The following NRG1 variants were observed in gnomAD, a reference collection of about 807,000 sequenced individuals.
The protein encoded by NRG1 is pro-neuregulin-1, membrane-bound isoform.
In NRG1, 18 loss-of-function variants were observed where a neutral mutation model predicts 63.8. The observed-to-expected ratio is 0.28, with a 90% CI of 0.19 to 0.42. NRG1 has a LOEUF of 0.42. Ranked by LOEUF, NRG1 falls within the 10% of genes least tolerant of loss-of-function variation. The probability of loss-of-function intolerance (pLI) is 1.00; values close to 1 mark genes in which losing one functional copy is unlikely to be tolerated. For missense variants in NRG1, 762 were observed against 814.7 expected (o/e 0.94, Z 0.79); for synonymous variants, 302 against 301.3 (o/e 1.00, Z -0.02).
chr8:31,878,819 C>T (rs1208431355), intron 1 of NRG1, among the ~76,000 whole-genome samples: 3 of 152,166 alleles, frequency 2.0e-5, no homozygotes, highest in Non-Finnish European at 4.4e-5. Context: ...CACCGTGCAG[C>T]TCTCTTCAGT....
intron 1 of NRG1, among the ~76,000 whole-genome samples, chr8:32,143,028 C>T (rs886490971): frequency 2.0e-5 from 3 of 152,286 alleles, no homozygotes; most frequent in Non-Finnish European, 4.4e-5. Flanking sequence ...ATTAAAGCCT[C>T]CAGACGGAGG....
chr8:32,684,943 A>G (rs1241685728), intron 5 of NRG1, among the ~76,000 whole-genome samples: 1 of 152,140 alleles, frequency 6.6e-6, no homozygotes, highest in Non-Finnish European at 1.5e-5. Context: ...TTTGAGTTTG[A>G]GATAATTTTA....
chr8:31,856,902 G>A (rs34810464), intron 1 of NRG1, among the ~76,000 whole-genome samples: 97,106 of 151,950 alleles, frequency 0.64, 31,567 homozygotes, highest in East Asian at 0.92. Context: ...CCTGCTGGGG[G>A]ATGCCTCCCA....
intron 1 of NRG1, among the ~76,000 whole-genome samples, chr8:32,301,414 T>A (rs1855551666): frequency 6.6e-6 from 1 of 152,194 alleles, no homozygotes; most frequent in African/African-American, 2.4e-5. Context: ...ACAAATGAAG[T>A]CATCCAGTTG....
chr8:31,795,508 T>C (rs1455334271), intron 1 of NRG1, among the ~76,000 whole-genome samples: 1 of 152,196 alleles, frequency 6.6e-6, no homozygotes, highest in Admixed American at 6.5e-5. Context: ...GGTACTGAAC[T>C]GCTTCTCCCT....
At chr8:32,743,510 T>C (rs1215712684) in intron 7 of NRG1, among the ~76,000 whole-genome samples, 1 of 148,650 alleles carries the variant, frequency 6.7e-6, no homozygotes, top group Non-Finnish European at 1.5e-5. Flanking sequence ...AGGATAAATA[T>C]GTGTTTGTAT....
At chr8:31,753,800 C>T (rs1047925194) in intron 1 of NRG1, among the ~76,000 whole-genome samples, 6 of 152,012 alleles carry the variant, frequency 3.9e-5, no homozygotes, top group African/African-American at 1.4e-4. Context: ...TAGATTATTG[C>T]AGCAATATCA....
At chr8:31,890,214 C>T (rs948604996) in intron 1 of NRG1, among the ~76,000 whole-genome samples, 2 of 152,212 alleles carry the variant, frequency 1.3e-5, no homozygotes, top group East Asian at 1.9e-4. Flanking sequence ...TAGCTAAGAA[C>T]CATTATCCTA....
At chr8:32,285,975 C>A (rs966720938) in intron 1 of NRG1, among the ~76,000 whole-genome samples, 14 of 152,176 alleles carry the variant, frequency 9.2e-5, no homozygotes, top group African/African-American at 3.1e-4. Context: ...TAGCTATAAG[C>A]ACTCTCATAA....
intron 1 of NRG1, among the ~76,000 whole-genome samples, chr8:32,409,952 G>A (rs1275056140): frequency 6.6e-6 from 1 of 152,022 alleles, no homozygotes; most frequent in African/African-American, 2.4e-5. Flanking sequence ...CAGGCAGGGT[G>A]TACCATCGTT....
intron 1 of NRG1, among the ~76,000 whole-genome samples, chr8:32,362,877 T>C (rs914922812): frequency 6.6e-6 from 1 of 152,124 alleles, no homozygotes; most frequent in Non-Finnish European, 1.5e-5. Context: ...CAGATACTCA[T>C]GAGAACATTG....
At chr8:32,713,461 T>C (rs1364849937) in intron 5 of NRG1, among the ~76,000 whole-genome samples, 1 of 152,068 alleles carries the variant, frequency 6.6e-6, no homozygotes, top group Non-Finnish European at 1.5e-5. Flanking sequence ...ACCTTCCTAA[T>C]TGAGTTGAAC....
At chr8:32,421,618 T>C (rs1341150803) in intron 1 of NRG1, among the ~76,000 whole-genome samples, 1 of 152,232 alleles carries the variant, frequency 6.6e-6, no homozygotes, top group Non-Finnish European at 1.5e-5. Context: ...AGCCAAGTTA[T>C]TGATTCCTCT....
chr8:32,343,268 T>C (rs1321226169), intron 1 of NRG1, among the ~76,000 whole-genome samples: 1 of 152,212 alleles, frequency 6.6e-6, no homozygotes, highest in Non-Finnish European at 1.5e-5. Context: ...TGATTTTACA[T>C]GTCCCATCCA....
At chr8:31,837,964 A>G (rs1825839644) in intron 1 of NRG1, among the ~76,000 whole-genome samples, 1 of 152,048 alleles carries the variant, frequency 6.6e-6, no homozygotes, top group Non-Finnish European at 1.5e-5. Flanking sequence ...TCTCTTCTAT[A>G]TACTGATTTC....
intron 3 of NRG1, among the ~76,000 whole-genome samples, chr8:32,612,334 T>C (rs1278244220): frequency 6.6e-6 from 1 of 152,076 alleles, no homozygotes; most frequent in Non-Finnish European, 1.5e-5. Context: ...TGCTGAGTGG[T>C]TTTAATTAAA....
rs371014343 is a variant in NRG1 at position 31,680,590 on chromosome 8, A to G, written c.37+41159A>G. Among the ~76,000 whole-genome samples the G allele has an allele frequency of 7.8e-3, 1,166 of 149,476 alleles. 25 individuals are homozygous for G. The South Asian group carries it at 0.094, about 12-fold the overall frequency. On this transcript the variant is annotated intron_variant, in intron 1 of 10. Transcript: ENST00000519301. ...AGTCTTTGCTATTGTGAATAGTGCCACAACAAACATACGTGTGCATGTGTC... is the reference window on the plus strand; with the variant it reads ...AGTCTTTGCTATTGTGAATAGTGCCGCAACAAACATACGTGTGCATGTGTC...
intron 1 of NRG1, among the ~76,000 whole-genome samples, chr8:31,807,364 C>T (rs1822391903): frequency 6.6e-6 from 1 of 152,076 alleles, no homozygotes; most frequent in African/African-American, 2.4e-5. Context: ...TATTGTATGT[C>T]TTCTCTACCT....
intron 1 of NRG1, among the ~76,000 whole-genome samples, chr8:31,742,454 A>ATTTTTTTTTTT (rs1563349398): frequency 2.3e-5 from 1 of 43,262 alleles, no homozygotes; most frequent in African/African-American, 8.1e-5. Context: ...CTTTTTTAAG[A>ATTTTTTTTTTT]ATTTTTTTTT....
Sources: allele counts gnomAD v4.1 joint callset (sites outside exome capture counted in the v4.1 genomes callset), GRCh38; gene constraint gnomAD v4.1.1; transcripts MANE v1.5; gene names NCBI Gene and HGNC (gene_info 2026-07-23, HGNC 2026-07-21).